The following OGDH variants were observed in gnomAD, a reference collection of about 807,000 sequenced individuals.
The protein encoded by OGDH is 2-oxoglutarate dehydrogenase complex component E1.
A neutral mutation model predicts 116.6 loss-of-function variants in OGDH; 38 were observed. The ratio of observed to expected loss-of-function variants is 0.33; its 90% CI spans 0.25 to 0.43. The LOEUF is 0.43. Ranked by LOEUF, OGDH falls within the 20% of genes least tolerant of loss-of-function variation. The probability of loss-of-function intolerance (pLI) is 1.00; values close to 1 mark genes in which losing one functional copy is unlikely to be tolerated. For missense variants in OGDH, 825 were observed against 1,357.2 expected (o/e 0.61, Z 6.16); for synonymous variants, 488 against 533.3 (o/e 0.92, Z 1.17).
chr7:44,641,143 C>T (rs1230821495), intron 2 of OGDH, among the ~76,000 whole-genome samples: 11 of 150,702 alleles, frequency 7.3e-5, no homozygotes, highest in African/African-American at 1.2e-4. Context: ...CCTCGTGATC[C>T]GCCCGCTTCA....
chr7:44,607,980 C>A (rs1469466923), intron 1 of OGDH, among the ~76,000 whole-genome samples: 1 of 150,672 alleles, frequency 6.6e-6, no homozygotes, highest in African/African-American at 2.4e-5. Context: ...GGATTACAGG[C>A]GTGAGCCACT....
intron 20 of OGDH, among the ~76,000 whole-genome samples, chr7:44,703,289 G>A (rs775523178): frequency 6.6e-6 from 1 of 151,850 alleles, no homozygotes; most frequent in Non-Finnish European, 1.5e-5. Context: ...GGTGGTGCAC[G>A]CCCTGCTACT....
At chr7:44,689,406 T>C (rs1274381426) in intron 10 of OGDH, among the ~76,000 whole-genome samples, 1 of 140,734 alleles carries the variant, frequency 7.1e-6, no homozygotes, top group Non-Finnish European at 1.5e-5. Flanking sequence ...TTTTTTTTTT[T>C]TTTTTTTTTT....
At chr7:44,685,657 T>C (rs1788097835) in intron 10 of OGDH, among the ~76,000 whole-genome samples, 1 of 152,040 alleles carries the variant, frequency 6.6e-6, no homozygotes, top group Non-Finnish European at 1.5e-5. Flanking sequence ...CTTGCTCTGT[T>C]GCCCAGGCTG....
At chr7:44,702,902 CT>C (rs1788899506) in intron 20 of OGDH, among the ~76,000 whole-genome samples, 1 of 152,070 alleles carries the variant, frequency 6.6e-6, no homozygotes, top group African/African-American at 2.4e-5. Context: ...AGCCCCCAGT[CT>C]TTTTTTATTA....
chr7:44,694,249 A>G lies in OGDH; in HGVS notation c.1516-175A>G, dbSNP rs908403578. The stretch of plus-strand genomic sequence containing the variant: ...CACTCCTCATTGACAGAGCAGCTCT[A>G]CTGTGTGAAGGAGAGATACACAGAA... On this transcript the variant is annotated intron_variant, in intron 11 of 22. Coordinates refer to ENST00000222673, the MANE Select transcript of OGDH (RefSeq NM_002541.4). The surrounding 1 kb of genome is among the most constrained non-coding windows in gnomAD (Gnocchi z 4.2). Among the ~76,000 whole-genome samples the G allele has an allele frequency of 6.6e-6, 1 of 152,146 alleles. No individual in the cohort carries two copies. Among genetic ancestry groups the G allele is most frequent in the Admixed American group, 6.6e-5 (1 of 15,260 alleles).
intron 2 of OGDH, among the ~76,000 whole-genome samples, chr7:44,638,998 G>A (rs541503746): frequency 2.0e-5 from 3 of 152,300 alleles, no homozygotes; most frequent in South Asian, 2.1e-4. Context: ...AAGGGGAAAC[G>A]CTCTCCCAGA....
At chr7:44,656,511 T>G in intron 4 of OGDH, 2 of 689,626 alleles carry the variant, frequency 2.9e-6, no homozygotes, top group South Asian at 3.6e-5. Flanking sequence ...AAATGTGTTT[T>G]TCCCTTCCTT....
Position 44,697,889 on chromosome 7 carries a change from A to G in OGDH, c.2358+107A>G. On this transcript the variant is annotated intron_variant, in intron 17 of 22. Transcript: ENST00000222673. This position sits in a 1 kb window ranked among gnomAD's most constrained non-coding sequence, Gnocchi z 6.0. ...AGCCAGTGGCTCACACCAGCCTCCT[A>G]AGGACTCTGCTGGTGCTTCCCATCC... is the stretch of plus-strand genomic sequence containing the variant. 1 of 1,312,718 alleles carries G rather than the reference A, an allele frequency of 7.6e-7. No individual in the cohort carries two copies. Among genetic ancestry groups the G allele is most frequent in the South Asian group, 1.4e-5 (1 of 69,036 alleles). The allele number at this position is 1,312,718 out of a possible 1,614,324, so 81.3% of individuals were successfully genotyped here.
chr7:44,635,080 C>G (rs538485478), intron 2 of OGDH, among the ~76,000 whole-genome samples: 2 of 152,296 alleles, frequency 1.3e-5, no homozygotes, highest in Non-Finnish European at 2.9e-5. Context: ...CAGGCCTGCC[C>G]TGTCTTGTGT....
At chr7:44,655,306 ATTTAG>A (rs1786640283) in intron 4 of OGDH, among the ~76,000 whole-genome samples, 1 of 152,166 alleles carries the variant, frequency 6.6e-6, no homozygotes, top group Admixed American at 6.5e-5. Flanking sequence ...AAATATCGAC[ATTTAG>A]ATATTCTGTT....
chr7:44,655,564 CTG>C (rs1298620741), intron 4 of OGDH, among the ~76,000 whole-genome samples: 13 of 152,218 alleles, frequency 8.5e-5, no homozygotes, highest in African/African-American at 2.9e-4. Flanking sequence ...CTCTGTGTGC[CTG>C]TGTTACTGCC....
At chr7:44,649,879 A>G (rs1316094611) in intron 4 of OGDH, among the ~76,000 whole-genome samples, 2 of 152,188 alleles carry the variant, frequency 1.3e-5, no homozygotes, top group African/African-American at 4.8e-5. Context: ...TGTCCTCAGT[A>G]TTTCTGTGAG....
chr7:44,610,128 G>A (rs1432591386), intron 1 of OGDH, among the ~76,000 whole-genome samples: 3 of 151,886 alleles, frequency 2.0e-5, no homozygotes, highest in Non-Finnish European at 4.4e-5. Context: ...GTATACTCTC[G>A]GGTGAAATGT....
chr7:44,610,814 A>G (rs1210950363), intron 1 of OGDH, among the ~76,000 whole-genome samples: 2 of 149,266 alleles, frequency 1.3e-5, no homozygotes, highest in Admixed American at 6.7e-5. Context: ...TTACTGTGTT[A>G]GCCAGGATGG....
At chr7:44,676,642 T>TATATATA (rs1554304093) in intron 9 of OGDH, 1 of 190,336 alleles carries the variant, frequency 5.3e-6, no homozygotes, top group Non-Finnish European at 9.1e-6. Flanking sequence ...ATATATATAT[T>TATATATA]TAAAATCAAC....
chr7:44,668,636 G>A (rs982816765), intron 5 of OGDH, among the ~76,000 whole-genome samples: 1 of 152,092 alleles, frequency 6.6e-6, no homozygotes, highest in Non-Finnish European at 1.5e-5. Context: ...TGGGCACCAG[G>A]GGGGAGTGAT....
rs1788478041 is a variant in OGDH, at chr7:44,694,052, C to T, written c.1515+48C>T. The T allele has an allele frequency of 3.2e-6, 5 of 1,554,996 alleles. No individual in the cohort carries two copies. In the South Asian group the frequency reaches 3.6e-5, roughly 11 times the overall value. On this transcript the variant is annotated intron_variant, in intron 11 of 22. Transcript: ENST00000222673. The surrounding 1 kb of genome is among the most constrained non-coding windows in gnomAD (Gnocchi z 4.2). ...CGTCCTGGGCAGAGCATCTGACCCA[C>T]CCCTCTTGCCCTCGGCACCCCTGTG...
At chr7:44,659,033 T>C (rs1477512404) in intron 4 of OGDH, among the ~76,000 whole-genome samples, 1 of 152,108 alleles carries the variant, frequency 6.6e-6, no homozygotes, top group Non-Finnish European at 1.5e-5. Context: ...GGTGGGGGTT[T>C]CACCATGTTG....
Sources: allele counts gnomAD v4.1 joint callset (sites outside exome capture counted in the v4.1 genomes callset), GRCh38; gene constraint gnomAD v4.1.1; non-coding constraint Gnocchi (gnomAD v3.1); transcripts MANE v1.5; gene names NCBI Gene and HGNC (gene_info 2026-07-23, HGNC 2026-07-21).